Variants in PEAK1 observed in about 807,000 individuals in gnomAD.
PEAK1 encodes pseudopodium enriched atypical kinase 1, also known as inactive tyrosine-protein kinase PEAK1.
A neutral mutation model predicts 124.7 loss-of-function variants in PEAK1; 54 were observed. The ratio of observed to expected loss-of-function variants is 0.43; its 90% CI spans 0.35 to 0.54. The LOEUF (loss-of-function observed/expected upper bound fraction) is 0.54. Among genes scored for constraint, PEAK1 ranks in the 20% least tolerant of loss-of-function variants. The probability of loss-of-function intolerance (pLI) is 0.01; values close to 1 mark genes in which losing one functional copy is unlikely to be tolerated. For missense variants in PEAK1, 2,046 were observed against 2,134.5 expected, an observed-to-expected ratio of 0.96 and a Z score of 0.82; for synonymous variants, 719 against 760.0, an observed-to-expected ratio of 0.95 and a Z score of 0.89.
chr15:77,237,417 C>T (rs1009359683), intron 6 of PEAK1, among the ~76,000 whole-genome samples: 2 of 148,740 alleles, frequency 1.3e-5, no homozygotes, highest in Non-Finnish European at 3.0e-5. Flanking sequence ...TTATTTTATT[C>T]CTGCTATTTA....
rs71145812 is a variant in PEAK1 at position 77,304,442 on chromosome 15, A to ATTTT, written c.-602-17942_-602-17939dup. ...ACTGTAGCTCCTAGCTCCTGTATACATTTTTTTTTTTTTTTTTTTTTTTTG... is the reference window on the plus strand; with the variant it reads ...ACTGTAGCTCCTAGCTCCTGTATACATTTTTTTTTTTTTTTTTTTTTTTTTTTTG... On this transcript the variant is annotated intron_variant, in intron 2 of 9. Transcript: ENST00000682557. Among the ~76,000 whole-genome samples, 206 of 86,474 alleles carry ATTTT rather than the reference A, an allele frequency of 2.4e-3. 4 individuals are homozygous for ATTTT. Among genetic ancestry groups the ATTTT allele is most frequent in the Middle Eastern group, 0.01 (1 of 100 alleles). 56.7% of individuals were successfully genotyped at this position (86,474 alleles called of 152,430 possible).
intron 6 of PEAK1, among the ~76,000 whole-genome samples, chr15:77,241,386 T>A (rs1051029818): frequency 4.6e-5 from 7 of 152,108 alleles, no homozygotes; most frequent in Non-Finnish European, 1.0e-4. Context: ...TATTTAATAG[T>A]GAGACTGACT....
intron 2 of PEAK1, among the ~76,000 whole-genome samples, chr15:77,330,628 A>T (rs2065836397): frequency 6.6e-6 from 1 of 152,168 alleles, no homozygotes; most frequent in Non-Finnish European, 1.5e-5. Context: ...AGTTCCCTCC[A>T]CAAGGAATAC....
intron 6 of PEAK1, among the ~76,000 whole-genome samples, chr15:77,222,579 C>T (rs2059437291): frequency 6.6e-6 from 1 of 152,006 alleles, no homozygotes; most frequent in Admixed American, 6.6e-5. Flanking sequence ...AGAATCCACA[C>T]TCCTTTCACA....
chr15:77,139,808 T>C (rs1317468094), intron 8 of PEAK1, among the ~76,000 whole-genome samples: 1 of 151,888 alleles, frequency 6.6e-6, no homozygotes, highest in Non-Finnish European at 1.5e-5. Flanking sequence ...CACATATATA[T>C]ACACATATAA....
At chr15:77,367,128 A>G (rs2068301732) in intron 1 of PEAK1, among the ~76,000 whole-genome samples, 1 of 152,194 alleles carries the variant, frequency 6.6e-6, no homozygotes, top group African/African-American at 2.4e-5. Flanking sequence ...GCGAGACTCC[A>G]TCTCAAAAAA....
In PEAK1 at chr15:77,109,603, A is replaced by T. The variant is rs2050870582; in HGVS notation, c.*4553T>A. On this transcript the variant is annotated 3_prime_UTR_variant, in exon 10 of 10. Coordinates refer to ENST00000682557, the MANE Select transcript of PEAK1 (RefSeq NM_001385026.1). ...CCCCACTTTTGGCACTGCTGTAAGC[A>T]CGGACAGCTGGACTTCAGTGCGCAC... 1 of 152,218 alleles carries T rather than the reference A, an allele frequency of 6.6e-6. No homozygotes were observed. The highest frequency in any genetic ancestry group is 1.5e-5 in the Non-Finnish European group (1 of 68,050). 9.4% of individuals were successfully genotyped at this position (152,218 alleles called of 1,614,324 possible). A position where few individuals can be genotyped will look rare whatever the true frequency, so the allele number is the denominator to read the frequency against.
intron 1 of PEAK1, among the ~76,000 whole-genome samples, chr15:77,399,341 A>C (rs1274130857): frequency 1.3e-5 from 2 of 152,214 alleles, no homozygotes; most frequent in Non-Finnish European, 2.9e-5. Flanking sequence ...ATGGAACCAC[A>C]AAGACCCAAA....
chr15:77,350,393 G>A (rs898707406), intron 2 of PEAK1: 3 of 985,322 alleles, frequency 3.0e-6, no homozygotes, highest in Middle Eastern at 5.2e-4. Flanking sequence ...TTTGTGCTCA[G>A]CAAGGACTAT....
At chr15:77,130,939 C>T (rs114247238) in intron 9 of PEAK1, among the ~76,000 whole-genome samples, 1,778 of 152,256 alleles carry the variant, frequency 0.012, 44 homozygotes, top group African/African-American at 0.04. Context: ...AAGATGGGTG[C>T]CATTATTGAC....
At chr15:77,291,453 A>G (rs2063207802) in intron 2 of PEAK1, among the ~76,000 whole-genome samples, 1 of 152,218 alleles carries the variant, frequency 6.6e-6, no homozygotes, top group Non-Finnish European at 1.5e-5. Flanking sequence ...CAAGCTTGCT[A>G]AAGAGAATAA....
downstream of PEAK1, chr15:77,105,317 G>GGTGTGTGTGTGT (rs67540842): frequency 3.4e-5 from 5 of 145,064 alleles, no homozygotes; most frequent in East Asian, 6.2e-4. Context: ...GCCATTAGTT[G>GGTGTGTGTGTGT]GTGTGTGTGT....
At chr15:77,417,623 T>C in intron 1 of PEAK1, 5 of 985,384 alleles carry the variant, frequency 5.1e-6, no homozygotes, top group Non-Finnish European at 6.0e-6. Context: ...ACAGTTTGGT[T>C]ACTAAATTAC....
At chr15:77,217,945 A>C (rs1005866257) in intron 6 of PEAK1, among the ~76,000 whole-genome samples, 1 of 152,186 alleles carries the variant, frequency 6.6e-6, no homozygotes, top group Admixed American at 6.5e-5. Flanking sequence ...TATAGAAATG[A>C]AGTGATTTTT....
In PEAK1 at chr15:77,115,125, G is replaced by A. The variant is rs770564562; in HGVS notation, c.4272C>T (p.Asp1424=). The A allele has an allele frequency of 5.5e-5, 88 of 1,613,906 alleles. No homozygotes were observed. Among genetic ancestry groups the A allele is most frequent in the Middle Eastern group, 1.6e-4 (1 of 6,084 alleles). The change falls in exon 10 of 10, where the codon GAC becomes GAT. Residue 1424 remains aspartate, a synonymous_variant. Coordinates refer to ENST00000682557, the MANE Select transcript of PEAK1 (RefSeq NM_001385026.1). The part of the protein sequence containing the change: ...DEDDMEETEE[D]AKGETDGKNP... ...TTTTCCCATCCGTTTCTCCTTTGGC[G>A]TCTTCTTCAGTCTCTTCCATGTCAT...
intron 6 of PEAK1, among the ~76,000 whole-genome samples, chr15:77,231,470 A>C (rs1392118466): frequency 6.6e-6 from 1 of 152,228 alleles, no homozygotes; most frequent in Non-Finnish European, 1.5e-5. Context: ...AGCTAAAATT[A>C]GACAAAAGTT....
chr15:77,170,148 G>A (rs1336813562), intron 7 of PEAK1, among the ~76,000 whole-genome samples: 1 of 152,060 alleles, frequency 6.6e-6, no homozygotes, highest in Non-Finnish European at 1.5e-5. Context: ...GATAATGGGG[G>A]GAAGTGAATA....
At chr15:77,392,079 C>A (rs571520801) in intron 1 of PEAK1, among the ~76,000 whole-genome samples, 188 of 152,312 alleles carry the variant, frequency 1.2e-3, no homozygotes, top group Non-Finnish European at 1.3e-3. Context: ...AAATTAACTT[C>A]CTGGGCAGTG....
chr15:77,230,098 C>A (rs1281564383), intron 6 of PEAK1, among the ~76,000 whole-genome samples: 1 of 151,996 alleles, frequency 6.6e-6, no homozygotes, highest in Non-Finnish European at 1.5e-5. Flanking sequence ...ATAAAATATA[C>A]CAATATTTAA....
Sources: allele counts gnomAD v4.1 joint callset (sites outside exome capture counted in the v4.1 genomes callset), GRCh38; gene constraint gnomAD v4.1.1; transcripts MANE v1.5; gene names NCBI Gene and HGNC (gene_info 2026-07-23, HGNC 2026-07-21).